The following KCNK2 variants were observed in gnomAD, a reference collection of about 807,000 sequenced individuals.
The protein encoded by KCNK2 is potassium two pore domain channel subfamily K member 2, also known as potassium channel subfamily K member 2.
KCNK2 carries 21 observed loss-of-function variants against 40.5 expected under a neutral mutation model. The observed-to-expected ratio is 0.52, with a 90% CI of 0.37 to 0.75. KCNK2 has a LOEUF of 0.75. KCNK2 is among the 30% of genes least tolerant of loss of function. The probability of loss-of-function intolerance (pLI) is 0.00; values close to 1 mark genes in which losing one functional copy is unlikely to be tolerated. For synonymous variants in KCNK2, 191 were observed against 202.2 expected (o/e 0.94, Z 0.47); for missense variants, 399 against 531.6 (o/e 0.75, Z 2.45).
intron 2 of KCNK2, among the ~76,000 whole-genome samples, chr1:215,115,726 CTT>C (rs5780816): frequency 4.0e-5 from 6 of 150,770 alleles, no homozygotes; most frequent in East Asian, 2.0e-4. Context: ...TCATGCTTTC[CTT>C]TTTTTTTTAA....
Position 215,235,210 on chromosome 1 carries a change from T to A in KCNK2, c.*65T>A. On this transcript the variant is annotated 3_prime_UTR_variant, in exon 7 of 7. Coordinates refer to ENST00000444842, the MANE Select transcript of KCNK2 (RefSeq NM_001017425.3). ...GACTTCTCTATGCTCTTTATGACTG[T>A]TGCTGGTAGCATTTTTTAAATTGTG... 7.3e-7 allele frequency: 1 copy of A among 1,362,724 alleles called. No homozygotes were observed. Among genetic ancestry groups the A allele is most frequent in the Non-Finnish European group, 1.0e-6 (1 of 997,164 alleles). 84.4% of individuals were successfully genotyped at this position (1,362,724 alleles called of 1,614,324 possible). A position where few individuals can be genotyped will look rare whatever the true frequency, so the allele number is the denominator to read the frequency against.
Position 215,148,080 on chromosome 1 carries a change from C to CTTTCTTTTTTTTTTT in KCNK2, c.476-21116_476-21115insCTTTTTTTTTTTTTT, listed in dbSNP as rs1553267720. 3.6e-5 allele frequency among the ~76,000 whole-genome samples: 4 copies of CTTTCTTTTTTTTTTT among 111,182 alleles called. 1 individual carries two copies. Among genetic ancestry groups the CTTTCTTTTTTTTTTT allele is most frequent in the African/African-American group, 3.7e-5 (1 of 26,746 alleles). 72.9% of individuals were successfully genotyped at this position (111,182 alleles called of 152,430 possible). A position where few individuals can be genotyped will look rare whatever the true frequency, so the allele number is the denominator to read the frequency against. On this transcript the variant is annotated intron_variant, in intron 3 of 6. Coordinates refer to ENST00000444842, the MANE Select transcript of KCNK2 (RefSeq NM_001017425.3). ...ATTATTATTTTTTTATTTTCTTTTC[C>CTTTCTTTTTTTTTTT]TTTTTTTTTTTTTTTTTTGGCAGGG...
chr1:215,032,992 G>T (rs1252902708), intron 1 of KCNK2, among the ~76,000 whole-genome samples: 1 of 151,328 alleles, frequency 6.6e-6, no homozygotes, highest in Non-Finnish European at 1.5e-5. Context: ...ATTATATGTA[G>T]GTTACACTTT....
At chr1:215,219,303 C>T (rs1467284154) in intron 6 of KCNK2, among the ~76,000 whole-genome samples, 1 of 152,130 alleles carries the variant, frequency 6.6e-6, no homozygotes, top group Admixed American at 6.5e-5. Flanking sequence ...TGCATGTGGC[C>T]TCTCTGAGGA....
At chr1:215,013,857 T>C (rs558819378) in intron 1 of KCNK2, among the ~76,000 whole-genome samples, 5 of 152,328 alleles carry the variant, frequency 3.3e-5, no homozygotes, top group South Asian at 4.1e-4. Context: ...ATGACATCTA[T>C]GAATAGGATA....
At chr1:215,031,462 T>G (rs2102485926) in intron 1 of KCNK2, among the ~76,000 whole-genome samples, 1 of 152,302 alleles carries the variant, frequency 6.6e-6, no homozygotes, top group Non-Finnish European at 1.5e-5. Flanking sequence ...ACCTAAATAT[T>G]TTGGGGTGCT....
intron 2 of KCNK2, among the ~76,000 whole-genome samples, chr1:215,103,287 T>C (rs1660300097): frequency 2.6e-5 from 4 of 151,942 alleles, no homozygotes; most frequent in Admixed American, 2.6e-4. Flanking sequence ...TAGATGATAC[T>C]AGATGATTCT....
Position 215,045,209 on chromosome 1 carries a change from C to CAA in KCNK2, c.34+39264_34+39265dup, listed in dbSNP as rs34843930. The stretch of plus-strand genomic sequence containing the variant: ...AAAAAACAAACAAACAAACAAAAAC[C>CAA]AAAAAAAAAAACCACATAAAAAACA... On this transcript the variant is annotated intron_variant, in intron 1 of 6. Coordinates refer to the KCNK2 transcript ENST00000391895. 8.5e-3 allele frequency among the ~76,000 whole-genome samples: 1,249 copies of CAA among 146,648 alleles called. 15 individuals are homozygous for CAA. The highest frequency in any genetic ancestry group is 0.034 in the Admixed American group (503 of 14,790).
In KCNK2 at chr1:215,086,606, T is replaced by C. The variant is rs758034276; in HGVS notation, c.285T>C (p.Ile95=). The stretch of plus-strand genomic sequence containing the variant: ...ATGAGATTTCACAGAGGACCACCAT[T>C]GTGATCCAGAAGCAAACATTCATAT... ...QPHEISQRTT[I]VIQKQTFISQ... is the part of the protein sequence containing the mutation. The change falls in exon 2 of 7, where the codon ATT becomes ATC. Residue 95 remains isoleucine (I), a synonymous_variant. Transcript: ENST00000444842. 5 of 1,614,092 alleles carry C rather than the reference T, an allele frequency of 3.1e-6. No homozygotes were observed. The Middle Eastern group carries it at 8.3e-4, about 266-fold the overall frequency.
At chr1:215,041,291 C>T (rs1657552914) in intron 1 of KCNK2, among the ~76,000 whole-genome samples, 1 of 152,190 alleles carries the variant, frequency 6.6e-6, no homozygotes, top group Admixed American at 6.5e-5. Flanking sequence ...ATAAAAGCCA[C>T]TTCCAGAAGT....
chr1:215,064,991 T>C (rs910399601), intron 1 of KCNK2, among the ~76,000 whole-genome samples: 5 of 152,186 alleles, frequency 3.3e-5, no homozygotes. Context: ...TGTTATTTGA[T>C]TTGGGGAATC....
intron 3 of KCNK2, among the ~76,000 whole-genome samples, chr1:215,156,428 G>A (rs1662928018): frequency 6.6e-6 from 1 of 152,106 alleles, no homozygotes; most frequent in Admixed American, 6.6e-5. Context: ...AAATTCCAGA[G>A]GCCTTGGCTT....
intron 2 of KCNK2, among the ~76,000 whole-genome samples, chr1:215,115,597 A>G (rs1166571644): frequency 6.6e-6 from 1 of 152,088 alleles, no homozygotes; most frequent in African/African-American, 2.4e-5. Context: ...GGAACTGCCT[A>G]GATAAATATC....
chr1:215,202,774 G>C (rs1665134314), intron 6 of KCNK2, among the ~76,000 whole-genome samples: 1 of 152,158 alleles, frequency 6.6e-6, no homozygotes, highest in African/African-American at 2.4e-5. Context: ...GGCTAATAAG[G>C]AAGCAGAAAC....
chr1:215,130,883 C>T (rs182400085), intron 3 of KCNK2, among the ~76,000 whole-genome samples: 1 of 151,688 alleles, frequency 6.6e-6, no homozygotes, highest in African/African-American at 2.4e-5. Context: ...ATTTTTGAGA[C>T]GGAGTCCCGC....
At chr1:215,146,494 G>A (rs1662422181) in intron 3 of KCNK2, among the ~76,000 whole-genome samples, 1 of 152,152 alleles carries the variant, frequency 6.6e-6, no homozygotes, top group Admixed American at 6.6e-5. Flanking sequence ...GGGCCAAGAG[G>A]AAGTTTGATC....
rs149852465 is a variant in KCNK2, at chr1:215,059,345, A to G, written c.35-27023A>G. On this transcript the variant is annotated intron_variant, in intron 1 of 6. Transcript: ENST00000391895. The stretch of plus-strand genomic sequence containing the variant: ...TAATGATTTAACCTCTGAACACAGA[A>G]TCCTTGCCAGTATTTGAAATTTATA... Among the ~76,000 whole-genome samples, 33 of 152,214 alleles carry G rather than the reference A, an allele frequency of 2.2e-4. No homozygotes were observed. In the East Asian group the frequency reaches 6.2e-3, roughly 29 times the overall value.
chr1:215,200,786 T>C (rs1482436031), intron 6 of KCNK2, among the ~76,000 whole-genome samples: 1 of 152,082 alleles, frequency 6.6e-6, no homozygotes, highest in Non-Finnish European at 1.5e-5. Flanking sequence ...TTGTGCACAA[T>C]AAAGAGAAAA....
rs545974874 is a variant in KCNK2 at position 215,213,344 on chromosome 1, C to G, written c.963+18252C>G. ...TTCTCCTGGGCTGGGCGCAGTGGCTCACGCCTGTAATTCCAGTACTTTGGG... is the reference window on the plus strand; with the variant it reads ...TTCTCCTGGGCTGGGCGCAGTGGCTGACGCCTGTAATTCCAGTACTTTGGG... On this transcript the variant is annotated intron_variant, in intron 6 of 6. Coordinates refer to ENST00000444842, the MANE Select transcript of KCNK2 (RefSeq NM_001017425.3). 1.7e-4 allele frequency among the ~76,000 whole-genome samples: 26 copies of G among 152,308 alleles called. No homozygotes were observed. In the South Asian group the frequency reaches 3.5e-3, roughly 21 times the overall value.
Sources: allele counts gnomAD v4.1 joint callset (sites outside exome capture counted in the v4.1 genomes callset), GRCh38; gene constraint gnomAD v4.1.1; transcripts MANE v1.5; gene names NCBI Gene and HGNC (gene_info 2026-07-23, HGNC 2026-07-21).